Variants in FOXJ3 observed in about 807,000 individuals in gnomAD.
The protein encoded by FOXJ3 is forkhead box J3, also known as forkhead box protein J3.
A neutral mutation model predicts 76.1 loss-of-function variants in FOXJ3; 22 were observed. That is an observed-to-expected ratio of 0.29 (90% CI 0.21 to 0.41). The LOEUF is 0.41. Ranked by LOEUF, FOXJ3 falls within the 10% of genes least tolerant of loss-of-function variation. The pLI is 1.00. For missense variants in FOXJ3, 613 were observed against 762.1 expected (o/e 0.80, Z 2.30); for synonymous variants, 269 against 261.2 (o/e 1.03, Z -0.29).
At chr1:42,301,800 T>C (rs1654165345) in intron 2 of FOXJ3, among the ~76,000 whole-genome samples, 1 of 152,220 alleles carries the variant, frequency 6.6e-6, no homozygotes. Flanking sequence ...CTTTATCTTG[T>C]ATTTCAAAGA....
intron 1 of FOXJ3, chr1:42,334,234 T>A: frequency 2.5e-6 from 1 of 395,418 alleles, no homozygotes; most frequent in Non-Finnish European, 3.4e-6. Flanking sequence ...TTAATGAAAC[T>A]AAGCCCTGTT....
chr1:42,216,289 C>CG (rs1360682887), intron 5 of FOXJ3, among the ~76,000 whole-genome samples: 5 of 151,820 alleles, frequency 3.3e-5, no homozygotes, highest in Non-Finnish European at 7.4e-5. Context: ...GAGGCCGAGG[C>CG]GGGCGGATCA....
At chr1:42,230,536 A>T (rs1182321094) in intron 4 of FOXJ3, among the ~76,000 whole-genome samples, 2 of 152,284 alleles carry the variant, frequency 1.3e-5, no homozygotes, top group African/African-American at 4.8e-5. Flanking sequence ...TTTGAAGGTA[A>T]TTTTTTGTAA....
intron 4 of FOXJ3, among the ~76,000 whole-genome samples, chr1:42,262,976 A>G (rs760358721): frequency 3.3e-5 from 5 of 150,982 alleles, no homozygotes; most frequent in African/African-American, 9.9e-5. Context: ...ACCAAAATCA[A>G]TAAGAATGAG....
In FOXJ3 at chr1:42,324,125, A is replaced by AGTGTATATATACAGTATATATACACT; in HGVS notation, c.-18+10933_-18+10934insAGTGTATATATACTGTATATATACAC. On this transcript the variant is annotated intron_variant, in intron 1 of 12. Transcript: ENST00000361346. ...CTGTGTATATACACTGTATATACAC[A>AGTGTATATATACAGTATATATACACT]GTGTATATACAGTATATATACTATA... Among the ~76,000 whole-genome samples the AGTGTATATATACAGTATATATACACT allele has an allele frequency of 7.6e-5, 4 of 52,944 alleles. 1 individual carries two copies. The highest frequency in any genetic ancestry group is 1.4e-4 in the Non-Finnish European group (4 of 29,356). 34.7% of individuals were successfully genotyped at this position (52,944 alleles called of 152,430 possible).
chr1:42,237,405 CATATATATAT>C (rs60560055), intron 4 of FOXJ3, among the ~76,000 whole-genome samples: 35 of 140,772 alleles, frequency 2.5e-4, no homozygotes, highest in Non-Finnish European at 2.4e-4. Flanking sequence ...TACATACATA[CATATATATAT>C]ATATATATAT....
chr1:42,185,064 A>G (rs1271133873), intron 11 of FOXJ3, among the ~76,000 whole-genome samples: 1 of 151,988 alleles, frequency 6.6e-6, no homozygotes, highest in East Asian at 1.9e-4. Flanking sequence ...GAGGGTTTTG[A>G]GCAGAAAACA....
chr1:42,214,284 TTTTA>T (rs1190166962), intron 5 of FOXJ3, among the ~76,000 whole-genome samples: 1 of 152,210 alleles, frequency 6.6e-6, no homozygotes, highest in Non-Finnish European at 1.5e-5. Context: ...TGGTACATAT[TTTTA>T]TTTATAGGTG....
chr1:42,209,228 T>G (rs1646919441), intron 5 of FOXJ3, among the ~76,000 whole-genome samples: 1 of 152,194 alleles, frequency 6.6e-6, no homozygotes, highest in African/African-American at 2.4e-5. Context: ...GATTAACCTA[T>G]AAAAATCAGT....
intron 5 of FOXJ3, among the ~76,000 whole-genome samples, chr1:42,206,833 C>T (rs188312328): frequency 2.0e-5 from 3 of 152,014 alleles, no homozygotes; most frequent in African/African-American, 7.2e-5. Flanking sequence ...TCTTCTTCTT[C>T]TTCTTCTTGT....
At chr1:42,287,711 A>C (rs1653148723) in intron 2 of FOXJ3, among the ~76,000 whole-genome samples, 2 of 152,214 alleles carry the variant, frequency 1.3e-5, no homozygotes, top group African/African-American at 4.8e-5. Flanking sequence ...CTGTAATCCC[A>C]GCACTTTGGG....
At chr1:42,244,804 G>A (rs1299571056) in intron 4 of FOXJ3, among the ~76,000 whole-genome samples, 5 of 152,016 alleles carry the variant, frequency 3.3e-5, no homozygotes, top group Admixed American at 6.6e-5. Flanking sequence ...TAAATTCATG[G>A]ACACATACAA....
intron 2 of FOXJ3, among the ~76,000 whole-genome samples, chr1:42,297,205 A>G (rs1345407991): frequency 7.2e-5 from 11 of 152,166 alleles, no homozygotes; most frequent in Admixed American, 7.2e-4. Context: ...GACTTTTCTA[A>G]GTATACAGTC....
At chr1:42,265,005 G>A (rs760791349) in intron 4 of FOXJ3, 110 bp downstream of exon 4, 1 of 785,126 alleles carries the variant, frequency 1.3e-6, no homozygotes, top group African/African-American at 1.7e-5. Flanking sequence ...GGTGGGGGAG[G>A]ACTTACTATT....
At chr1:42,269,446 G>T (rs1411787577) in intron 3 of FOXJ3, among the ~76,000 whole-genome samples, 1 of 152,072 alleles carries the variant, frequency 6.6e-6, no homozygotes, top group Non-Finnish European at 1.5e-5. Context: ...AATCTTCAGG[G>T]TTCTGCCCTA....
chr1:42,229,115 A>C (rs552763885), intron 4 of FOXJ3, among the ~76,000 whole-genome samples: 42 of 152,260 alleles, frequency 2.8e-4, no homozygotes, highest in Non-Finnish European at 2.4e-4. Context: ...TACCATACCA[A>C]TGACAAACTC....
At chr1:42,321,218 G>C (rs1557723689) in intron 1 of FOXJ3, among the ~76,000 whole-genome samples, 1 of 152,122 alleles carries the variant, frequency 6.6e-6, no homozygotes, top group Non-Finnish European at 1.5e-5. Context: ...AGCTGATTCT[G>C]ATGTAGTCTG....
At chr1:42,312,960 G>C (rs2124761241) in intron 1 of FOXJ3, among the ~76,000 whole-genome samples, 1 of 152,316 alleles carries the variant, frequency 6.6e-6, no homozygotes, top group Admixed American at 6.5e-5. Flanking sequence ...GAGGGGATCA[G>C]GGACTGTGAC....
At chr1:42,315,880 T>C (rs1557720094) in intron 1 of FOXJ3, among the ~76,000 whole-genome samples, 1 of 152,200 alleles carries the variant, frequency 6.6e-6, no homozygotes, top group Non-Finnish European at 1.5e-5. Flanking sequence ...TGAAAACTAA[T>C]ATGTATCAAG....
Sources: allele counts gnomAD v4.1 joint callset (sites outside exome capture counted in the v4.1 genomes callset), GRCh38; gene constraint gnomAD v4.1.1; transcripts MANE v1.5; gene names NCBI Gene and HGNC (gene_info 2026-07-23, HGNC 2026-07-21).